The following FSTL4 variants were observed in gnomAD, a reference collection of about 807,000 sequenced individuals.
FSTL4 encodes follistatin like 4.
In FSTL4, 28 loss-of-function variants were observed where a neutral mutation model predicts 78.2. The ratio of observed to expected loss-of-function variants is 0.36; its 90% CI spans 0.27 to 0.49. The LOEUF (loss-of-function observed/expected upper bound fraction) is 0.49. Among genes scored for constraint, FSTL4 ranks in the 20% least tolerant of loss-of-function variants. The pLI is 0.98. For missense variants in FSTL4, 922 were observed against 1,084.9 expected, an observed-to-expected ratio of 0.85 and a Z score of 2.11; for synonymous variants, 422 against 440.5, an observed-to-expected ratio of 0.96 and a Z score of 0.53.
chr5:133,659,136 C>T, the FSTL4 span, among the ~76,000 whole-genome samples: 1 of 152,058 alleles, frequency 6.6e-6, no homozygotes, highest in African/African-American at 2.4e-5. Context: ...TTATATTACT[C>T]TAATGTTCCA....
At chr5:133,534,955 G>A (rs906750337) in intron 3 of FSTL4, among the ~76,000 whole-genome samples, 5 of 152,142 alleles carry the variant, frequency 3.3e-5, no homozygotes, top group African/African-American at 1.2e-4. Flanking sequence ...ATTGTGCCCC[G>A]CCTAAAATTC....
intron 3 of FSTL4, among the ~76,000 whole-genome samples, chr5:133,403,715 G>A (rs1041506278): frequency 3.3e-5 from 5 of 152,148 alleles, no homozygotes; most frequent in African/African-American, 1.2e-4. Context: ...CCGTGGAGGT[G>A]GGTCTTCTGG....
intron 4 of FSTL4, among the ~76,000 whole-genome samples, chr5:133,354,904 G>A (rs574571706): frequency 3.9e-5 from 6 of 152,368 alleles, no homozygotes; most frequent in East Asian, 1.9e-4. Flanking sequence ...TGTCACTGCC[G>A]TGCTGGCCTG....
intron 3 of FSTL4, among the ~76,000 whole-genome samples, chr5:133,450,110 A>G (rs17166705): frequency 0.068 from 10,356 of 152,244 alleles, 411 homozygotes; most frequent in South Asian, 0.14. Context: ...TTTTGCTAAG[A>G]GCTTTACTTA....
Position 133,409,576 on chromosome 5 carries a change from C to T in FSTL4, c.161-8590G>A, listed in dbSNP as rs10063557. ...GTTCCTTAGACGGAACAGCAGGCCCCGAGGCAGGGCCCCAGCAGCGCCTTC... is the reference window on the plus strand; with the variant it reads ...GTTCCTTAGACGGAACAGCAGGCCCTGAGGCAGGGCCCCAGCAGCGCCTTC... On this transcript the variant is annotated intron_variant, in intron 3 of 15. Coordinates refer to ENST00000265342, the MANE Select transcript of FSTL4 (RefSeq NM_015082.2). 8.5e-3 allele frequency among the ~76,000 whole-genome samples: 1,289 copies of T among 152,326 alleles called. 16 individuals carry two copies. The highest frequency in any genetic ancestry group is 0.029 in the African/African-American group (1,200 of 41,580).
chr5:133,680,628 T>C, the FSTL4 span, among the ~76,000 whole-genome samples: 1 of 152,182 alleles, frequency 6.6e-6, no homozygotes, highest in Non-Finnish European at 1.5e-5. Flanking sequence ...TCCCAATGTG[T>C]CCTCAATACA....
At chr5:133,443,721 AT>A (rs1321508531) in intron 3 of FSTL4, among the ~76,000 whole-genome samples, 1 of 152,124 alleles carries the variant, frequency 6.6e-6, no homozygotes, top group Non-Finnish European at 1.5e-5. Flanking sequence ...TAGTGGGTCA[AT>A]TACTGCCCAT....
the FSTL4 span, among the ~76,000 whole-genome samples, chr5:133,731,287 A>G: frequency 6.6e-6 from 1 of 151,950 alleles, no homozygotes; most frequent in Admixed American, 6.5e-5. Context: ...GCCTGAAGAC[A>G]GGGATGGAAA....
chr5:133,810,677 G>A, the FSTL4 span, among the ~76,000 whole-genome samples: 1 of 152,160 alleles, frequency 6.6e-6, no homozygotes, highest in East Asian at 1.9e-4. Flanking sequence ...TTTACATAGG[G>A]CCCAAAGATT....
chr5:133,211,658 A>G (rs184386995), intron 13 of FSTL4, among the ~76,000 whole-genome samples: 8 of 152,234 alleles, frequency 5.3e-5, no homozygotes, highest in African/African-American at 1.4e-4. Context: ...CTGTAATCCT[A>G]TTTGACATTT....
At chr5:133,511,909 T>A (rs141648887) in intron 3 of FSTL4, among the ~76,000 whole-genome samples, 43 of 152,276 alleles carry the variant, frequency 2.8e-4, no homozygotes, top group African/African-American at 1.0e-3. Context: ...GGTGGAGTGA[T>A]GGAGTGGCGG....
intron 3 of FSTL4, among the ~76,000 whole-genome samples, chr5:133,566,363 T>C (rs1286528987): frequency 6.6e-6 from 1 of 152,222 alleles, no homozygotes; most frequent in African/African-American, 2.4e-5. Context: ...GTAGTCAATA[T>C]AGAATTTGCT....
At chr5:133,493,127 A>G (rs1241208709) in intron 3 of FSTL4, among the ~76,000 whole-genome samples, 1 of 152,048 alleles carries the variant, frequency 6.6e-6, no homozygotes, top group Non-Finnish European at 1.5e-5. Flanking sequence ...TCAAACATAG[A>G]TTTTTAAATA....
At chr5:133,791,871 A>C in the FSTL4 span, among the ~76,000 whole-genome samples, 1 of 152,206 alleles carries the variant, frequency 6.6e-6, no homozygotes, top group African/African-American at 2.4e-5. Context: ...GGGCATCAGC[A>C]TGGGTTATGG....
At chr5:133,389,002 A>G (rs950898993) in intron 4 of FSTL4, among the ~76,000 whole-genome samples, 1 of 152,040 alleles carries the variant, frequency 6.6e-6, no homozygotes, top group Non-Finnish European at 1.5e-5. Context: ...GGTTCTTTAT[A>G]TTCTTTCCTT....
chr5:133,835,351 T>C, the FSTL4 span, among the ~76,000 whole-genome samples: 2 of 152,210 alleles, frequency 1.3e-5, no homozygotes, highest in Non-Finnish European at 2.9e-5. Flanking sequence ...GTGTTCTGTG[T>C]GTGAGCCTCA....
intron 4 of FSTL4, among the ~76,000 whole-genome samples, chr5:133,330,255 C>T (rs1182559542): frequency 6.6e-6 from 1 of 152,148 alleles, no homozygotes; most frequent in East Asian, 1.9e-4. Context: ...TCTTGCATTG[C>T]TATAAAGAAA....
chr5:133,224,255 G>A (rs1751255654), intron 10 of FSTL4, 39 bp from the exon 11 acceptor site: 2 of 1,576,948 alleles, frequency 1.3e-6, no homozygotes, highest in African/African-American at 1.3e-5. Context: ...GAGTGTGATG[G>A]AGTCAAGGAA....
intron 3 of FSTL4, among the ~76,000 whole-genome samples, chr5:133,482,518 C>T (rs943219410): frequency 1.3e-5 from 2 of 152,198 alleles, no homozygotes; most frequent in African/African-American, 4.8e-5. Context: ...GTAGGGCTTA[C>T]AGAGGCTGAC....
Sources: allele counts gnomAD v4.1 joint callset (sites outside exome capture counted in the v4.1 genomes callset), GRCh38; gene constraint gnomAD v4.1.1; transcripts MANE v1.5; gene names NCBI Gene and HGNC (gene_info 2026-07-23, HGNC 2026-07-21).